Variants in TAFA5 observed in about 807,000 individuals in gnomAD.
The protein encoded by TAFA5 is chemokine-like protein TAFA-5.
Under a neutral mutation model 15.3 loss-of-function variants are expected in TAFA5, and 6 were observed. That is an observed-to-expected ratio of 0.39 (90% CI 0.21 to 0.77). The LOEUF is 0.77. TAFA5 is among the 30% of genes least tolerant of loss of function. The probability of loss-of-function intolerance (pLI) is 0.41; values close to 1 mark genes in which losing one functional copy is unlikely to be tolerated. For missense variants in TAFA5, 161 were observed against 193.1 expected (o/e 0.83, Z 0.98); for synonymous variants, 103 against 80.7 (o/e 1.28, Z -1.48).
chr22:48,681,443 G>C (rs926652215), intron 2 of TAFA5, among the ~76,000 whole-genome samples: 8 of 149,558 alleles, frequency 5.3e-5, no homozygotes, highest in African/African-American at 2.0e-4. Flanking sequence ...AGGAGTTCAG[G>C]ACCAGCCTGG....
chr22:48,615,031 T>C (rs1569048504), intron 1 of TAFA5, among the ~76,000 whole-genome samples: 3 of 152,082 alleles, frequency 2.0e-5, no homozygotes, highest in African/African-American at 7.2e-5. Context: ...ATTTCAACCT[T>C]CTAGTTTATT....
At chr22:48,542,920 A>G (rs1922513265) in intron 1 of TAFA5, among the ~76,000 whole-genome samples, 1 of 142,636 alleles carries the variant, frequency 7.0e-6, no homozygotes, top group Non-Finnish European at 1.5e-5. Flanking sequence ...TGATATGTGT[A>G]CTGGTGTACT....
At chr22:48,537,676 C>G (rs1569016593) in intron 1 of TAFA5, among the ~76,000 whole-genome samples, 1 of 152,172 alleles carries the variant, frequency 6.6e-6, no homozygotes, top group Non-Finnish European at 1.5e-5. Flanking sequence ...CCAGCAGGCA[C>G]TGCAGCCAGG....
chr22:48,582,242 C>T (rs1396698344), intron 1 of TAFA5, among the ~76,000 whole-genome samples: 2 of 151,858 alleles, frequency 1.3e-5, no homozygotes, highest in African/African-American at 4.8e-5. Context: ...AAACACAACG[C>T]ATACCATACA....
intron 1 of TAFA5, among the ~76,000 whole-genome samples, chr22:48,558,988 G>A (rs1195278296): frequency 6.6e-6 from 1 of 152,252 alleles, no homozygotes; most frequent in Non-Finnish European, 1.5e-5. Flanking sequence ...CAGGGCGATG[G>A]CATTTGGAGG....
At chr22:48,523,980 G>A (rs1285690200) in intron 1 of TAFA5, among the ~76,000 whole-genome samples, 2 of 152,330 alleles carry the variant, frequency 1.3e-5, no homozygotes, top group South Asian at 2.1e-4. Flanking sequence ...ACCACCGCAC[G>A]TGGTCCCAAC....
chr22:48,697,783 TG>T (rs1379909878), intron 2 of TAFA5, among the ~76,000 whole-genome samples: 1 of 110,356 alleles, frequency 9.1e-6, no homozygotes, highest in East Asian at 6.2e-4. Flanking sequence ...AAAATGATGA[TG>T]GTGATGATGA....
At chr22:48,621,887 C>T (rs1257923289) in intron 1 of TAFA5, among the ~76,000 whole-genome samples, 3 of 152,122 alleles carry the variant, frequency 2.0e-5, no homozygotes, top group Non-Finnish European at 4.4e-5. Flanking sequence ...CTGCAGGCCT[C>T]TGAGCCTGGC....
Position 48,530,435 on chromosome 22 carries a change from G to C in TAFA5, c.112+40731G>C, listed in dbSNP as rs1311682901. ...GGCCGGCATTCAACTGAAAGGATTG[G>C]CTTCGAGTCTTGGCTGACCACTGGA... On this transcript the variant is annotated intron_variant, in intron 1 of 3. Transcript: ENST00000402357. This position sits in a 1 kb window ranked among gnomAD's most constrained non-coding sequence, Gnocchi z 6.0. Among the ~76,000 whole-genome samples the C allele has an allele frequency of 6.6e-6, 1 of 152,186 alleles. No homozygotes were observed. The highest frequency in any genetic ancestry group is 1.5e-5 in the Non-Finnish European group (1 of 68,036).
intron 3 of TAFA5, among the ~76,000 whole-genome samples, chr22:48,740,263 G>C (rs983334268): frequency 2.6e-5 from 4 of 152,190 alleles, no homozygotes; most frequent in African/African-American, 9.7e-5. Flanking sequence ...TGGCTGGGAG[G>C]ACGGCAGGGC....
chr22:48,541,985 AG>A (rs1465805335), intron 1 of TAFA5, among the ~76,000 whole-genome samples: 1 of 152,166 alleles, frequency 6.6e-6, no homozygotes, highest in Non-Finnish European at 1.5e-5. Flanking sequence ...GCCAGTGTGC[AG>A]GGCCCAGCAT....
chr22:48,624,902 C>A (rs1277860220), intron 1 of TAFA5, among the ~76,000 whole-genome samples: 1 of 152,080 alleles, frequency 6.6e-6, no homozygotes, highest in Non-Finnish European at 1.5e-5. Flanking sequence ...GAGTTCAAGA[C>A]CGGCCTGGCC....
chr22:48,532,803 G>A (rs760436660), intron 1 of TAFA5, among the ~76,000 whole-genome samples: 4 of 152,206 alleles, frequency 2.6e-5, no homozygotes, highest in Non-Finnish European at 4.4e-5. Flanking sequence ...CCCCTGCCCC[G>A]GCTCCCATCG....
chr22:48,579,880 G>C (rs1339982416), intron 1 of TAFA5, among the ~76,000 whole-genome samples: 1 of 152,198 alleles, frequency 6.6e-6, no homozygotes, highest in Non-Finnish European at 1.5e-5. Context: ...GAAATCATTC[G>C]GCCCGATCCT....
chr22:48,503,353 T>C (rs1920964252), intron 1 of TAFA5, among the ~76,000 whole-genome samples: 1 of 152,232 alleles, frequency 6.6e-6, no homozygotes, highest in Non-Finnish European at 1.5e-5. Flanking sequence ...TGAGGGCAGA[T>C]ACCTTTGGCC....
intron 1 of TAFA5, among the ~76,000 whole-genome samples, chr22:48,565,902 A>G (rs751266439): frequency 1.5e-4 from 23 of 152,044 alleles, no homozygotes; most frequent in Non-Finnish European, 4.4e-5. Flanking sequence ...TGATAGATAG[A>G]TAGATGAATT....
At chr22:48,637,004 G>A (rs1437758539) in intron 1 of TAFA5, among the ~76,000 whole-genome samples, 1 of 152,172 alleles carries the variant, frequency 6.6e-6, no homozygotes, top group Non-Finnish European at 1.5e-5. Flanking sequence ...GAGCAAAGCC[G>A]GGCTTGCCAG....
intron 1 of TAFA5, among the ~76,000 whole-genome samples, chr22:48,641,626 C>G (rs1446650284): frequency 6.7e-6 from 1 of 150,088 alleles, no homozygotes; most frequent in Non-Finnish European, 1.5e-5. Context: ...CAACACCCTC[C>G]CTTCCCCCCC....
Position 48,612,507 on chromosome 22 carries a change from G to A in TAFA5, c.113-34090G>A, listed in dbSNP as rs28581881. ...CCTGTCCCTGGGCACAGGTGGCCTCGTCTCTCCTGGACCCTCCAGCCCTCC... is the reference window on the plus strand; with the variant it reads ...CCTGTCCCTGGGCACAGGTGGCCTCATCTCTCCTGGACCCTCCAGCCCTCC... On this transcript the variant is annotated intron_variant, in intron 1 of 3. Coordinates refer to ENST00000402357, the MANE Select transcript of TAFA5 (RefSeq NM_001082967.3). Among the ~76,000 whole-genome samples, 1,402 of 152,166 alleles carry A rather than the reference G, an allele frequency of 9.2e-3. 19 individuals carry two copies. Among genetic ancestry groups the A allele is most frequent in the Middle Eastern group, 0.02 (6 of 294 alleles).
Sources: gnomAD v4.1 joint callset for allele counts (sites outside exome capture counted in the v4.1 genomes callset) on GRCh38, gnomAD v4.1.1 for gene constraint, Gnocchi (gnomAD v3.1) non-coding constraint, MANE v1.5 for transcripts, NCBI Gene and HGNC (gene_info 2026-07-23, HGNC 2026-07-21) for gene names.